TRIP11: variants seen among roughly 807,000 people sequenced by gnomAD.
The protein encoded by TRIP11 is thyroid hormone receptor interactor 11, also known as thyroid receptor-interacting protein 11.
TRIP11 carries 148 observed loss-of-function variants against 223.1 expected under a neutral mutation model. The ratio of observed to expected loss-of-function variants is 0.66; its 90% CI spans 0.58 to 0.76. The LOEUF (loss-of-function observed/expected upper bound fraction) is 0.76. Among genes scored for constraint, TRIP11 ranks in the 30% least tolerant of loss-of-function variants. The pLI, the probability that TRIP11 is intolerant of heterozygous loss-of-function variation, is 0.00. For missense variants in TRIP11, 2,043 were observed against 2,222.0 expected, an observed-to-expected ratio of 0.92 and a Z score of 1.62; for synonymous variants, 762 against 772.6, an observed-to-expected ratio of 0.99 and a Z score of 0.23.
Position 91,968,546 on chromosome 14 carries a change from T to A in TRIP11, c.*1127A>T. The A allele has an allele frequency of 4.6e-6, 1 of 216,586 alleles. No homozygotes were observed. The highest frequency in any genetic ancestry group is 6.9e-5 in the East Asian group (1 of 14,442). 13.4% of individuals were successfully genotyped at this position (216,586 alleles called of 1,614,324 possible). ...ATTTTGCTAATTATACTTACGTAGA[T>A]GCAGCTGTATGGTTTAATGCTTATA... On this transcript the variant is annotated 3_prime_UTR_variant, in exon 21 of 21. Transcript: ENST00000267622.
chr14:91,986,986 C>T (rs71430746), intron 16 of TRIP11, among the ~76,000 whole-genome samples: 5 of 152,092 alleles, frequency 3.3e-5, no homozygotes, highest in African/African-American at 7.2e-5. Flanking sequence ...GAAAAGACCA[C>T]GAATTATGGT....
chr14:91,969,640 A>C lies in TRIP11; in HGVS notation c.*33T>G, dbSNP rs769402471. The C allele has an allele frequency of 6.2e-7, 1 of 1,605,566 alleles. No individual in the cohort carries two copies. Among genetic ancestry groups the C allele is most frequent in the South Asian group, 1.1e-5 (1 of 90,854 alleles). On this transcript the variant is annotated 3_prime_UTR_variant, in exon 21 of 21. Transcript: ENST00000267622. ...TACATATAGTGTTCATGGTTTCTTT[A>C]AAGTGCTAGATTGTCTCTGGCTTGA...
chr14:92,026,948 T>G, intron 2 of TRIP11: 3 of 1,106,850 alleles, frequency 2.7e-6, no homozygotes, highest in African/African-American at 3.1e-5. Flanking sequence ...CACCCTCCAC[T>G]TCCCCTCTCA....
At position 91,969,909 on chromosome 14, in the gene TRIP11, TG is replaced by T; in HGVS notation, c.5720-17del. 6.2e-7 allele frequency: 1 copy of T among 1,608,170 alleles called. No homozygotes were observed. The highest frequency in any genetic ancestry group is 8.5e-7 in the Non-Finnish European group (1 of 1,176,136). ...TCTGCTGTATCTAAAGAATAAAATA[TG>T]GATTTAGTCTCCTATCTTTCACAAA... On this transcript the variant is annotated splice_polypyrimidine_tract_variant and intron_variant, in intron 20 of 20. Coordinates refer to ENST00000267622, the MANE Select transcript of TRIP11 (RefSeq NM_004239.4).
At chr14:91,983,621 A>C (rs2056569929) in intron 16 of TRIP11, among the ~76,000 whole-genome samples, 1 of 152,196 alleles carries the variant, frequency 6.6e-6, no homozygotes, top group African/African-American at 2.4e-5. Flanking sequence ...ATATTTTGGC[A>C]TTGTCTAGTA....
Position 91,999,362 on chromosome 14 carries a change from T to C in TRIP11, c.4770A>G (p.Glu1590=). 1 of 1,613,954 alleles carries C rather than the reference T, an allele frequency of 6.2e-7. No individual in the cohort carries two copies. The highest frequency in any genetic ancestry group is 8.5e-7 in the Non-Finnish European group (1 of 1,179,924). Residue 1590 remains glutamate, a synonymous_variant, in exon 13 of 21, where the codon GAA becomes GAG. Transcript: ENST00000267622. ...ELERLRNHLL[E]SEDSYTREAL... ...CTTCACGGGTATAAGAATCTTCTGATTCTAAAAGATGATTACGCAATCTCT... is the reference window on the plus strand; with the variant it reads ...CTTCACGGGTATAAGAATCTTCTGACTCTAAAAGATGATTACGCAATCTCT...
intron 11 of TRIP11, among the ~76,000 whole-genome samples, chr14:92,002,871 G>A (rs1029602672): frequency 2.6e-5 from 4 of 152,016 alleles, no homozygotes; most frequent in African/African-American, 4.8e-5. Flanking sequence ...ATGAGCCACC[G>A]CGCCCAGCCA....
intron 14 of TRIP11, among the ~76,000 whole-genome samples, chr14:91,994,237 C>T (rs896968095): frequency 2.0e-5 from 3 of 150,444 alleles, no homozygotes; most frequent in Admixed American, 6.6e-5. Context: ...TTACATTATA[C>T]TGTAAAGTAG....
chr14:91,988,487 G>A, intron 15 of TRIP11, 104 bp from the exon 16 acceptor site: 1 of 989,386 alleles, frequency 1.0e-6, no homozygotes, highest in Non-Finnish European at 1.6e-6. Flanking sequence ...AGCTGGTGAA[G>A]CTGCACCTCT....
At position 92,020,881 on chromosome 14, in the gene TRIP11, C is replaced by T. The variant is rs1367693924; in HGVS notation, c.588+675G>A. Among the ~76,000 whole-genome samples the T allele has an allele frequency of 4.7e-5, 7 of 150,400 alleles. No individual in the cohort carries two copies. In the East Asian group the frequency reaches 1.4e-3, roughly 29 times the overall value. ...GGTTAGGAGTTTGAGACCAGCCTGG[C>T]CAACATAGTGAAACCCCATCTCTAC... On this transcript the variant is annotated intron_variant, in intron 4 of 20. Coordinates refer to ENST00000267622, the MANE Select transcript of TRIP11 (RefSeq NM_004239.4).
intron 2 of TRIP11, among the ~76,000 whole-genome samples, chr14:92,027,543 T>G (rs976351559): frequency 6.6e-6 from 1 of 152,190 alleles, no homozygotes; most frequent in Non-Finnish European, 1.5e-5. Context: ...AACAGGAATT[T>G]TGTTTTGCTG....
At chr14:91,996,457 G>C (rs1164752394) in intron 13 of TRIP11, among the ~76,000 whole-genome samples, 2 of 152,136 alleles carry the variant, frequency 1.3e-5, no homozygotes, top group African/African-American at 4.8e-5. Context: ...CAAAAGGACT[G>C]TTTGAGCCCA....
intron 16 of TRIP11, among the ~76,000 whole-genome samples, chr14:91,984,749 C>G (rs2056584745): frequency 6.6e-6 from 1 of 152,152 alleles, no homozygotes; most frequent in African/African-American, 2.4e-5. Flanking sequence ...TGTATAATTT[C>G]TCATCAATAG....
Position 92,004,421 on chromosome 14 carries a change from T to C in TRIP11, c.3555A>G (p.Ala1185=), listed in dbSNP as rs746358143. Residue 1185 remains alanine, a synonymous_variant, in exon 11 of 21, where the codon GCA becomes GCG. Coordinates refer to ENST00000267622, the MANE Select transcript of TRIP11 (RefSeq NM_004239.4). ...TACCAGTGCTGGATGTTTGTAAAACTGCCAATAAAGTCTGACATTTCTGAC... is the reference window on the plus strand; with the variant it reads ...TACCAGTGCTGGATGTTTGTAAAACCGCCAATAAAGTCTGACATTTCTGAC... ...ALSQKCQTLL[A]VLQTSSTGNE... 1 of 1,614,064 alleles carries C rather than the reference T, an allele frequency of 6.2e-7. No homozygotes were observed. The highest frequency in any genetic ancestry group is 1.1e-5 in the South Asian group (1 of 91,084).
intron 20 of TRIP11, 93 bp downstream of exon 20, chr14:91,972,624 A>G: frequency 7.4e-7 from 1 of 1,352,624 alleles, no homozygotes; most frequent in Non-Finnish European, 1.0e-6. Context: ...ATTTCCAAAA[A>G]TACTAAAAAT....
chr14:92,003,795 T>C lies in TRIP11; in HGVS notation c.4181A>G (p.Glu1394Gly). 1 of 1,614,194 alleles carries C rather than the reference T, an allele frequency of 6.2e-7. No homozygotes were observed. Among genetic ancestry groups the C allele is most frequent in the South Asian group, 1.1e-5 (1 of 91,086 alleles). Residue 1394 changes from glutamate (E) to glycine (G), a missense_variant, in exon 11 of 21, where the codon GAA (glutamate) becomes GGA (glycine). Coordinates refer to ENST00000267622, the MANE Select transcript of TRIP11 (RefSeq NM_004239.4). ...ERKEHEQTDSEIKQLKEKQDV... is the reference protein window; with the variant it reads ...ERKEHEQTDSGIKQLKEKQDV... Reference sequence around the variant, plus strand: ...TTGTTTCTCCTTTAGCTGCTTGATTTCTGAATCGGTTTGTTCGTGTTCTTT... The same window carrying C: ...TTGTTTCTCCTTTAGCTGCTTGATTCCTGAATCGGTTTGTTCGTGTTCTTT...
At chr14:92,033,453 T>C (rs1482831118) in intron 1 of TRIP11, among the ~76,000 whole-genome samples, 200 bp from the exon 2 acceptor site, 1 of 152,224 alleles carries the variant, frequency 6.6e-6, no homozygotes, top group East Asian at 1.9e-4. Context: ...AAAGTCATTC[T>C]TTTTGCCTAT....
intron 15 of TRIP11, among the ~76,000 whole-genome samples, chr14:91,993,438 T>G (rs930725797): frequency 3.7e-5 from 5 of 136,852 alleles, no homozygotes; most frequent in African/African-American, 1.4e-4. Context: ...ATCACGCCAT[T>G]GCACTCCAGC....
intron 5 of TRIP11, among the ~76,000 whole-genome samples, chr14:92,016,920 T>C (rs941298304): frequency 1.3e-5 from 2 of 152,198 alleles, no homozygotes; most frequent in Non-Finnish European, 2.9e-5. Flanking sequence ...CTAAAAATAA[T>C]TCACTGCCAC....
Sources: gnomAD v4.1 joint callset for allele counts (sites outside exome capture counted in the v4.1 genomes callset) on GRCh38, gnomAD v4.1.1 for gene constraint, MANE v1.5 for transcripts, NCBI Gene and HGNC (gene_info 2026-07-23, HGNC 2026-07-21) for gene names.